The following CWC25 variants were observed in gnomAD, a reference collection of about 807,000 sequenced individuals.
CWC25 encodes the protein pre-mRNA-splicing factor CWC25 homolog.
Under a neutral mutation model 54.6 loss-of-function variants are expected in CWC25, and 31 were observed. The observed-to-expected ratio is 0.57, with a 90% CI of 0.43 to 0.77. The LOEUF is 0.77. Ranked by LOEUF, CWC25 falls within the 30% of genes least tolerant of loss-of-function variation. The probability of loss-of-function intolerance (pLI) is 0.00; values close to 1 mark genes in which losing one functional copy is unlikely to be tolerated. For missense variants in CWC25, 453 were observed against 529.3 expected (o/e 0.86, Z 1.41); for synonymous variants, 151 against 187.0 (o/e 0.81, Z 1.57).
chr17:38,802,540 A>C (rs1387810989), intron 9 of CWC25, among the ~76,000 whole-genome samples, 160 bp downstream of exon 9: 1 of 152,200 alleles, frequency 6.6e-6, no homozygotes, highest in Non-Finnish European at 1.5e-5. Flanking sequence ...CAAATGAAAA[A>C]CATCCCACTG....
intron 3 of CWC25, among the ~76,000 whole-genome samples, chr17:38,814,090 T>C (rs1389197781): frequency 1.3e-5 from 2 of 151,230 alleles, no homozygotes; most frequent in African/African-American, 4.9e-5. Flanking sequence ...CTCGATCTCC[T>C]GACCTCGTGA....
intron 3 of CWC25, among the ~76,000 whole-genome samples, chr17:38,813,165 A>G (rs960022664): frequency 6.6e-6 from 1 of 150,832 alleles, no homozygotes; most frequent in African/African-American, 2.4e-5. Flanking sequence ...AAAAATCTAC[A>G]TGATGATGGG....
chr17:38,813,548 CAAAAA>C (rs35706016), intron 3 of CWC25, among the ~76,000 whole-genome samples: 14 of 103,130 alleles, frequency 1.4e-4, no homozygotes, highest in Non-Finnish European at 2.1e-4. Context: ...GAGATTGTCT[CAAAAA>C]AAAAAAAAAA....
intron 5 of CWC25, 123 bp from the exon 6 acceptor site, chr17:38,809,888 T>G: frequency 2.5e-6 from 2 of 798,852 alleles, no homozygotes; most frequent in East Asian, 5.5e-5. Context: ...AGCAGTTACC[T>G]GGCAGTACGT....
chr17:38,806,620 GAA>G, intron 7 of CWC25, 143 bp downstream of exon 7: 6 of 767,174 alleles, frequency 7.8e-6, no homozygotes, highest in Non-Finnish European at 9.8e-6. Flanking sequence ...CATTGAGGTG[GAA>G]AAAAAAAATG....
intron 2 of CWC25, among the ~76,000 whole-genome samples, chr17:38,819,374 T>G (rs1911831918): frequency 7.0e-6 from 1 of 142,402 alleles, no homozygotes; most frequent in Admixed American, 7.1e-5. Flanking sequence ...TAATTTTTGG[T>G]TTTTTTTTTT....
intron 1 of CWC25, among the ~76,000 whole-genome samples, chr17:38,824,040 C>G (rs1912036337): frequency 6.6e-6 from 1 of 152,174 alleles, no homozygotes; most frequent in African/African-American, 2.4e-5. Flanking sequence ...GAAGAATACA[C>G]TAAATTGGAT....
intron 1 of CWC25, among the ~76,000 whole-genome samples, chr17:38,822,398 C>T (rs9905544): frequency 6.6e-6 from 1 of 152,098 alleles, no homozygotes; most frequent in African/African-American, 2.4e-5. Flanking sequence ...CCTACCTTAG[C>T]TTGGTCTACT....
At position 38,820,916 on chromosome 17, in the gene CWC25, T is replaced by A; in HGVS notation, c.176A>T (p.Asp59Val). The part of the protein sequence containing the change: ...AREEMQRYAE[D>V]VGAVKKKEEK... ...CCTCACTTACTTGACGGCCCCAACA[T>A]CCTCCGCATAGCGCTGCATCTCTTC... The change falls in exon 2 of 10, where the codon GAT (aspartate) becomes GTT (valine). Residue 59 changes from aspartate to valine, a missense_variant. By Grantham distance (152) the Asp-to-Val change is radical. This residue lies in a region of CWC25 where 444 missense variants were observed against 499.2 expected (regional missense o/e 0.89). Coordinates refer to ENST00000614790, the MANE Select transcript of CWC25 (RefSeq NM_017748.5). The A allele has an allele frequency of 6.2e-7, 1 of 1,611,580 alleles. No homozygotes were observed. Among genetic ancestry groups the A allele is most frequent in the Non-Finnish European group, 8.5e-7 (1 of 1,179,108 alleles).
Position 38,801,136 on chromosome 17 carries a change from C to T in CWC25, c.*956G>A, listed in dbSNP as rs1291561297. 6.6e-6 allele frequency: 1 copy of T among 151,906 alleles called. No homozygotes were observed. The highest frequency in any genetic ancestry group is 2.4e-5 in the African/African-American group (1 of 41,292). 9.4% of individuals were successfully genotyped at this position (151,906 alleles called of 1,614,324 possible). A position where few individuals can be genotyped will look rare whatever the true frequency, so the allele number is the denominator to read the frequency against. ...GACTGAAAGAGACTAGCAAACAACT[C>T]CTGAAAATCTGTAATTGTAGTAAGG... On this transcript the variant is annotated 3_prime_UTR_variant, in exon 10 of 10. Transcript: ENST00000614790.
chr17:38,801,869 C>T lies in CWC25; in HGVS notation c.*223G>A. 4.8e-6 allele frequency: 2 copies of T among 420,048 alleles called. No homozygotes were observed. The highest frequency in any genetic ancestry group is 8.5e-6 in the Non-Finnish European group (2 of 235,410). The allele number at this position is 420,048 out of a possible 1,614,324, so 26.0% of individuals were successfully genotyped here. On this transcript the variant is annotated 3_prime_UTR_variant, in exon 10 of 10. Transcript: ENST00000614790. ...CCCACCGAGATGGTCCAGTGCCCAC[C>T]CGTTAAAGAGTCAAAACCCAAAGTT...
intron 7 of CWC25, 24 bp from the exon 8 acceptor site, chr17:38,806,419 G>C: frequency 6.2e-7 from 1 of 1,600,234 alleles, no homozygotes; most frequent in Non-Finnish European, 8.5e-7. Context: ...AGAAGGCAAA[G>C]AGGAAAAAGC....
chr17:38,820,304 C>T lies in CWC25; in HGVS notation c.191+597G>A, dbSNP rs371243022. Among the ~76,000 whole-genome samples, 40 of 152,236 alleles carry T rather than the reference C, an allele frequency of 2.6e-4. 1 individual carries two copies. The highest frequency in any genetic ancestry group is 1.5e-3 in the East Asian group (8 of 5,192). On this transcript the variant is annotated intron_variant, in intron 2 of 9. Transcript: ENST00000614790. ...CTGCATATTGTATGCTTTTTATTTT[C>T]TCAAACATATTTACTCCCATCTCCT...
chr17:38,823,151 T>C lies in CWC25; in HGVS notation c.18+2015A>G, dbSNP rs577095955. On this transcript the variant is annotated intron_variant, in intron 1 of 9. Transcript: ENST00000614790. The stretch of plus-strand genomic sequence containing the variant: ...CCACACCCAGCCTGACTCCAACTTT[T>C]TTTTTAACTTTTTTTTTTTTTTTTT... 2.7e-5 allele frequency among the ~76,000 whole-genome samples: 4 copies of C among 147,382 alleles called. No homozygotes were observed. The East Asian group carries it at 8.0e-4, about 30-fold the overall frequency.
At chr17:38,823,309 G>A (rs1361917983) in intron 1 of CWC25, among the ~76,000 whole-genome samples, 16 of 151,130 alleles carry the variant, frequency 1.1e-4, no homozygotes, top group Non-Finnish European at 1.9e-4. Context: ...ACAGGCGCCC[G>A]CCACTGCTCC....
At chr17:38,812,944 C>A in intron 3 of CWC25, 80 bp from the exon 4 acceptor site, 1 of 783,516 alleles carries the variant, frequency 1.3e-6, no homozygotes, top group Non-Finnish European at 2.1e-6. Flanking sequence ...CAAACATATA[C>A]AGACAAACTG....
At chr17:38,808,111 G>A (rs1482285108) in intron 6 of CWC25, among the ~76,000 whole-genome samples, 4 of 136,828 alleles carry the variant, frequency 2.9e-5, no homozygotes, top group Admixed American at 2.4e-4. Context: ...TTGGCTGGGT[G>A]CAGTGGCTCA....
At chr17:38,818,443 T>C (rs1178146041) in intron 2 of CWC25, among the ~76,000 whole-genome samples, 1 of 150,088 alleles carries the variant, frequency 6.7e-6, no homozygotes, top group Admixed American at 6.7e-5. Flanking sequence ...ATACAAAAAA[T>C]TAGCCGGGCG....
At chr17:38,816,310 G>A (rs1911696802) in intron 2 of CWC25, among the ~76,000 whole-genome samples, 1 of 152,106 alleles carries the variant, frequency 6.6e-6, no homozygotes, top group East Asian at 1.9e-4. Flanking sequence ...ATGCAATGGT[G>A]CGATCATGGC....
Sources: allele counts gnomAD v4.1 joint callset (sites outside exome capture counted in the v4.1 genomes callset), GRCh38; gene constraint gnomAD v4.1.1; regional missense constraint gnomAD v4.1.1; transcripts MANE v1.5; gene names NCBI Gene and HGNC (gene_info 2026-07-23, HGNC 2026-07-21).